The following PCDHA3 variants were observed in gnomAD, a reference collection of about 807,000 sequenced individuals.
The protein encoded by PCDHA3 is protocadherin alpha 3.
Under a neutral mutation model 62.2 loss-of-function variants are expected in PCDHA3, and 41 were observed. The ratio of observed to expected loss-of-function variants is 0.66; its 90% CI spans 0.51 to 0.86. The LOEUF (loss-of-function observed/expected upper bound fraction) is 0.86. Ranked by LOEUF, PCDHA3 falls within the 40% of genes least tolerant of loss-of-function variation. The probability of loss-of-function intolerance (pLI) is 0.00; values close to 1 mark genes in which losing one functional copy is unlikely to be tolerated. For missense variants in PCDHA3, 1,304 were observed against 1,241.2 expected (o/e 1.05, Z -0.76); for synonymous variants, 640 against 555.4 (o/e 1.15, Z -2.14).
rs576230620 is a variant in PCDHA3 at position 140,948,680 on chromosome 5, T to C, written c.2395-30269T>C. 2.0e-5 allele frequency among the ~76,000 whole-genome samples: 3 copies of C among 151,762 alleles called. No homozygotes were observed. The South Asian group carries it at 6.2e-4, about 31-fold the overall frequency. On this transcript the variant is annotated intron_variant, in intron 1 of 3. Coordinates refer to ENST00000522353, the MANE Select transcript of PCDHA3 (RefSeq NM_018906.3). Reference sequence around the variant, plus strand: ...ATCTGTAGTGATAACATCTTTTTCATTTTTGATATTGGTGATTTGTGTTCT... The same window carrying C: ...ATCTGTAGTGATAACATCTTTTTCACTTTTGATATTGGTGATTTGTGTTCT...
intron 3 of PCDHA3, among the ~76,000 whole-genome samples, chr5:141,009,356 G>T (rs535761188): frequency 7.9e-5 from 12 of 152,204 alleles, no homozygotes; most frequent in Non-Finnish European, 1.6e-4. Context: ...CTACTTGGGA[G>T]GCTAAGATGG....
At chr5:140,824,207 A>G in intron 1 of PCDHA3, 5 of 1,587,454 alleles carry the variant, frequency 3.1e-6, no homozygotes, top group Non-Finnish European at 4.3e-6. Context: ...CTTTTTTTGT[A>G]TTTAAAAATT....
At chr5:140,812,798 T>C (rs1051671489) in intron 1 of PCDHA3, 5 of 152,226 alleles carry the variant, frequency 3.3e-5, no homozygotes, top group Non-Finnish European at 5.9e-5. Flanking sequence ...TGTTGTATCC[T>C]GTAAGTTTTT....
chr5:140,876,716 G>C lies in PCDHA3; in HGVS notation c.2394+73125G>C, dbSNP rs374218090. On this transcript the variant is annotated intron_variant, in intron 1 of 3. Coordinates refer to ENST00000522353, the MANE Select transcript of PCDHA3 (RefSeq NM_018906.3). ...TTGGTGCTGGACAGCGCCCTGGACC[G>C]CGAGAGCGTGTCGGCCTATGAGCTG... 135 of 1,614,132 alleles carry C rather than the reference G, an allele frequency of 8.4e-5. No homozygotes were observed. In the Middle Eastern group the frequency reaches 2.5e-3, roughly 29 times the overall value.
chr5:140,835,615 G>A, intron 1 of PCDHA3: 1 of 1,613,924 alleles, frequency 6.2e-7, no homozygotes, highest in South Asian at 1.1e-5. Flanking sequence ...GTGCTGGACA[G>A]CGCTCTGGAC....
intron 1 of PCDHA3, among the ~76,000 whole-genome samples, chr5:140,943,674 A>G (rs1401531217): frequency 6.6e-6 from 1 of 152,240 alleles, no homozygotes; most frequent in Non-Finnish European, 1.5e-5. Context: ...TAAAGTGTGA[A>G]AAAAAGGGAT....
At chr5:140,927,601 G>A (rs1490799029) in intron 1 of PCDHA3, 1 of 1,614,198 alleles carries the variant, frequency 6.2e-7, no homozygotes, top group Non-Finnish European at 8.5e-7. Flanking sequence ...TGAGCGCTCC[G>A]TATACCGCAC....
At chr5:140,924,183 A>G (rs1554201796) in intron 1 of PCDHA3, among the ~76,000 whole-genome samples, 1 of 152,230 alleles carries the variant, frequency 6.6e-6, no homozygotes, top group Non-Finnish European at 1.5e-5. Context: ...GAAGCAGAAA[A>G]TTAGTTTTGG....
chr5:140,906,846 G>T (rs2072987315), intron 1 of PCDHA3, among the ~76,000 whole-genome samples: 1 of 152,186 alleles, frequency 6.6e-6, no homozygotes, highest in Non-Finnish European at 1.5e-5. Context: ...CATCTTGAGA[G>T]TCTGGGTCAG....
rs80155737 is a variant in PCDHA3, at chr5:140,924,458, T to C, written c.2395-54491T>C. Among the ~76,000 whole-genome samples, 1,228 of 152,310 alleles carry C rather than the reference T, an allele frequency of 8.1e-3. 6 individuals are homozygous for C. Among genetic ancestry groups the C allele is most frequent in the African/African-American group, 0.019 (794 of 41,566 alleles). On this transcript the variant is annotated intron_variant, in intron 1 of 3. Coordinates refer to ENST00000522353, the MANE Select transcript of PCDHA3 (RefSeq NM_018906.3). The stretch of plus-strand genomic sequence containing the variant: ...GAGATAACGAATGGGTTTGTGTGTT[T>C]AGGGAGGTAACTGGTTTTTAGTGGA...
intron 1 of PCDHA3, chr5:140,817,339 T>C (rs1238360865): frequency 6.6e-6 from 1 of 152,278 alleles, no homozygotes; most frequent in Non-Finnish European, 1.5e-5. Context: ...TTACACTTGC[T>C]TGGAGCCCAG....
intron 1 of PCDHA3, chr5:140,814,784 C>T (rs189663149): frequency 2.3e-4 from 35 of 152,262 alleles, no homozygotes; most frequent in Non-Finnish European, 4.1e-4. Flanking sequence ...TTGGTTGAAA[C>T]GTTGTTATAC....
At position 140,843,195 on chromosome 5, in the gene PCDHA3, G is replaced by T. The variant is rs1554139855; in HGVS notation, c.2394+39604G>T. 5.6e-6 allele frequency: 9 copies of T among 1,596,020 alleles called. 1 individual carries two copies. The highest frequency in any genetic ancestry group is 3.3e-5 in the South Asian group (3 of 90,494). On this transcript the variant is annotated intron_variant, in intron 1 of 3. Transcript: ENST00000522353. ...AGCCCTCGCATCCCGTTCCGCGTGG[G>T]GCTGTACACGGGCGAGATCAGCACC...
At chr5:140,979,063 A>G (rs1245308340) in intron 2 of PCDHA3, 56 bp downstream of exon 2, 3 of 1,604,438 alleles carry the variant, frequency 1.9e-6, no homozygotes, top group East Asian at 4.5e-5. Context: ...TATGGCTCAG[A>G]TAAACTGCAT....
intron 1 of PCDHA3, chr5:140,883,939 C>T (rs782266148): frequency 6.2e-7 from 1 of 1,613,422 alleles, no homozygotes; most frequent in Non-Finnish European, 8.5e-7. Context: ...TCGTGCTGGA[C>T]GAGAACGACA....
chr5:140,801,665 C>T lies in PCDHA3; in HGVS notation c.468C>T (p.Gly156=), dbSNP rs781995261. The T allele has an allele frequency of 1.9e-6, 3 of 1,614,094 alleles. No homozygotes were observed. Among genetic ancestry groups the T allele is most frequent in the Admixed American group, 3.3e-5 (2 of 60,016 alleles). ...RQPGSRFSLE[G]ASDADIGTNS... Reference sequence around the variant, plus strand: ...CTGGCTCTCGGTTTTCGCTAGAGGGCGCATCAGATGCAGATATCGGAACAA... The same window carrying T: ...CTGGCTCTCGGTTTTCGCTAGAGGGTGCATCAGATGCAGATATCGGAACAA... Residue 156 remains glycine, a synonymous_variant, in exon 1 of 4, where the codon GGC becomes GGT. Coordinates refer to ENST00000522353, the MANE Select transcript of PCDHA3 (RefSeq NM_018906.3).
At chr5:140,819,395 A>G (rs1203569047) in intron 1 of PCDHA3, among the ~76,000 whole-genome samples, 1 of 152,136 alleles carries the variant, frequency 6.6e-6, no homozygotes, top group Non-Finnish European at 1.5e-5. Flanking sequence ...GCTTTTAGTG[A>G]ATTAAATGGA....
At chr5:140,985,290 A>G (rs1471502675) in intron 3 of PCDHA3, among the ~76,000 whole-genome samples, 1 of 152,108 alleles carries the variant, frequency 6.6e-6, no homozygotes, top group Non-Finnish European at 1.5e-5. Flanking sequence ...TCTATGATAT[A>G]GTGTTGGCTG....
At chr5:140,948,979 G>T (rs2094330965) in intron 1 of PCDHA3, among the ~76,000 whole-genome samples, 1 of 151,514 alleles carries the variant, frequency 6.6e-6, no homozygotes, top group South Asian at 2.1e-4. Flanking sequence ...AGTATGAACT[G>T]CTTTATTTGC....
Sources: allele counts gnomAD v4.1 joint callset (sites outside exome capture counted in the v4.1 genomes callset), GRCh38; gene constraint gnomAD v4.1.1; transcripts MANE v1.5; gene names NCBI Gene and HGNC (gene_info 2026-07-23, HGNC 2026-07-21).